Variants in COL4A2 observed in about 807,000 individuals in gnomAD.
The protein encoded by COL4A2 is collagen type IV alpha 2 chain, also known as collagen alpha-2(IV) chain.
A neutral mutation model predicts 200.2 loss-of-function variants in COL4A2; 99 were observed. That is an observed-to-expected ratio of 0.49 (90% confidence interval 0.42 to 0.58). The LOEUF is 0.58. Among genes scored for constraint, COL4A2 ranks in the 20% least tolerant of loss-of-function variants. The pLI is 0.00. For synonymous variants in COL4A2, 897 were observed against 900.6 expected (o/e 1.00, Z 0.07); for missense variants, 1,950 against 2,314.1 (o/e 0.84, Z 3.23).
chr13:110,395,018 C>G (rs1879136166), intron 4 of COL4A2, among the ~76,000 whole-genome samples: 1 of 152,178 alleles, frequency 6.6e-6, no homozygotes, highest in African/African-American at 2.4e-5. Flanking sequence ...CTCCGGGGAC[C>G]CAGAGCTGGA....
intron 11 of COL4A2, among the ~76,000 whole-genome samples, chr13:110,433,354 T>G (rs1389952399): frequency 2.0e-5 from 3 of 152,186 alleles, no homozygotes; most frequent in Non-Finnish European, 4.4e-5. Flanking sequence ...GCCTCAGATC[T>G]CCCCTTGCTG....
At chr13:110,395,103 C>T (rs1424498239) in intron 4 of COL4A2, among the ~76,000 whole-genome samples, 1 of 152,192 alleles carries the variant, frequency 6.6e-6, no homozygotes, top group East Asian at 1.9e-4. Context: ...CAGAGGTCAA[C>T]AGTGGAGACC....
At chr13:110,505,076 C>T (rs377001284) in intron 45 of COL4A2, among the ~76,000 whole-genome samples, 53 of 151,820 alleles carry the variant, frequency 3.5e-4, no homozygotes, top group Admixed American at 7.2e-4. Context: ...AGGGGCCGGG[C>T]GCGGTGGCTC....
chr13:110,366,562 C>G (rs7334022), intron 4 of COL4A2, among the ~76,000 whole-genome samples: 60,978 of 152,026 alleles, frequency 0.4, 12,350 homozygotes, highest in Middle Eastern at 0.56. Context: ...GAAAATGGCA[C>G]AAATGATCAA....
intron 22 of COL4A2, among the ~76,000 whole-genome samples, chr13:110,460,140 A>G (rs959186634): frequency 3.0e-4 from 46 of 152,292 alleles, no homozygotes; most frequent in African/African-American, 1.1e-3. Flanking sequence ...TAGAGGAAAA[A>G]CAGTTGGTCA....
Position 110,317,407 on chromosome 13 carries a change from C to T in COL4A2, c.99+9284C>T, listed in dbSNP as rs1010848199. Among the ~76,000 whole-genome samples the T allele has an allele frequency of 1.3e-5, 2 of 152,194 alleles. 1 individual carries two copies. On this transcript the variant is annotated intron_variant, in intron 3 of 47. Transcript: ENST00000360467. Reference sequence around the variant, plus strand: ...GCTCATGCGTGTACACACACACACACTTAGCCGGAGGACGCTCCTGGTTTC... The same window carrying T: ...GCTCATGCGTGTACACACACACACATTTAGCCGGAGGACGCTCCTGGTTTC...
intron 4 of COL4A2, among the ~76,000 whole-genome samples, chr13:110,407,797 G>A (rs1268744758): frequency 2.0e-5 from 3 of 152,194 alleles, no homozygotes; most frequent in Admixed American, 6.5e-5. Flanking sequence ...TGAGGACGGG[G>A]GACAGCAGTG....
intron 18 of COL4A2, 147 bp downstream of exon 18, chr13:110,447,011 C>T (rs1479285945): frequency 3.9e-6 from 2 of 513,252 alleles, no homozygotes; most frequent in Non-Finnish European, 6.1e-6. Context: ...AAAAAATAAA[C>T]CACGAAATTT....
Position 110,386,008 on chromosome 13 carries a change from CGTGTGGATGGGCCGTGGTTACAGT to C in COL4A2, c.180+28465_180+28488del, listed in dbSNP as rs1406639712. ...GCGTGTGGATGGGCCGTGGTCACAG[CGTGTGGATGGGCCGTGGTTACAGT>C]GTGTGGATAGACCGTGGTTACGTTT... is the stretch of plus-strand genomic sequence containing the variant. On this transcript the variant is annotated intron_variant, in intron 4 of 47. Transcript: ENST00000360467. Among the ~76,000 whole-genome samples, 3 of 26,702 alleles carry C rather than the reference CGTGTGGATGGGCCGTGGTTACAGT, an allele frequency of 1.1e-4. 1 individual carries two copies. The highest frequency in any genetic ancestry group is 1.9e-4 in the Non-Finnish European group (2 of 10,650). The allele number at this position is 26,702 out of a possible 152,430, so 17.5% of individuals were successfully genotyped here.
chr13:110,469,655 T>C (rs1203661386), intron 28 of COL4A2, among the ~76,000 whole-genome samples: 1 of 152,264 alleles, frequency 6.6e-6, no homozygotes, highest in East Asian at 1.9e-4. Flanking sequence ...CACAAAGTTA[T>C]CCTCTCCTGA....
chr13:110,494,659 G>A (rs531152670), intron 39 of COL4A2, among the ~76,000 whole-genome samples: 108 of 151,322 alleles, frequency 7.1e-4, no homozygotes, highest in Middle Eastern at 6.9e-3. Context: ...AGCCGAGATC[G>A]CGCCACTGCA....
chr13:110,495,914 G>A (rs1883438860), intron 40 of COL4A2, among the ~76,000 whole-genome samples: 1 of 152,198 alleles, frequency 6.6e-6, no homozygotes, highest in South Asian at 2.1e-4. Context: ...GCCAAGGTGG[G>A]CTCAAGTCTA....
chr13:110,459,002 C>T, intron 22 of COL4A2, 68 bp downstream of exon 22: 2 of 1,390,726 alleles, frequency 1.4e-6, no homozygotes, highest in Non-Finnish European at 1.9e-6. Context: ...CCGTTCTTGC[C>T]TTTTATCTCC....
chr13:110,352,258 A>C (rs915946111), intron 3 of COL4A2, among the ~76,000 whole-genome samples: 2 of 152,210 alleles, frequency 1.3e-5, no homozygotes, highest in African/African-American at 4.8e-5. Context: ...GGAATAGTGG[A>C]GCATAGCAGA....
intron 32 of COL4A2, among the ~76,000 whole-genome samples, chr13:110,483,610 A>T (rs1243219933): frequency 6.6e-6 from 1 of 152,264 alleles, no homozygotes; most frequent in African/African-American, 2.4e-5. Context: ...CCTTGAGAAC[A>T]CTATGCCACG....
chr13:110,450,316 G>T lies in COL4A2; in HGVS notation c.1201G>T (p.Gly401Cys), dbSNP rs1433079130. 6.2e-7 allele frequency: 1 copy of T among 1,613,842 alleles called. No individual in the cohort carries two copies. The highest frequency in any genetic ancestry group is 8.5e-7 in the Non-Finnish European group (1 of 1,179,828). The change falls in exon 20 of 48, where the codon GGC becomes TGC. Residue 401 changes from glycine (G) to cysteine (C), a missense_variant. Physicochemically the swap from Gly to Cys is radical, Grantham distance 159. This residue lies in a region of COL4A2 where 565 missense variants were observed against 593.5 expected (regional missense o/e 0.95). Transcript: ENST00000360467. ...LSIGDGDQRR[G>C]LPGEMGPKGF... Reference sequence around the variant, plus strand: ...CTGTTTGGTTTCAGATCAGAGGAGAGGCCTGCCGGGTGAGATGGGACCCAA... The same window carrying T: ...CTGTTTGGTTTCAGATCAGAGGAGATGCCTGCCGGGTGAGATGGGACCCAA...
rs1280406576 is a variant in COL4A2, at chr13:110,512,170, GGTGTGCATGAAGAACCT to G, written c.5122_5138del (p.Cys1708SerfsTer31). The G allele has an allele frequency of 1.2e-6, 2 of 1,613,010 alleles. No individual in the cohort carries two copies. The highest frequency in any genetic ancestry group is 1.7e-6 in the Non-Finnish European group (2 of 1,179,800). On this transcript the variant is annotated frameshift_variant, in exon 48 of 48. Coordinates refer to ENST00000360467, the MANE Select transcript of COL4A2 (RefSeq NM_001846.4). LOFTEE classifies it high-confidence loss of function. ...TCCGCACACACATCAGCCGCTGCCA[GGTGTGCATGAAGAACCT>G]GTGAGCCGGCGCGTGCCAGGAAGGG...
intron 40 of COL4A2, among the ~76,000 whole-genome samples, chr13:110,496,892 G>A (rs528244629): frequency 6.7e-6 from 1 of 149,726 alleles, no homozygotes; most frequent in East Asian, 2.0e-4. Flanking sequence ...GCCTCAGTCA[G>A]GGGTGAGGAT....
At chr13:110,479,539 G>T (rs1882822778) in intron 30 of COL4A2, among the ~76,000 whole-genome samples, 1 of 43,082 alleles carries the variant, frequency 2.3e-5, no homozygotes, top group Non-Finnish European at 5.1e-5. Flanking sequence ...AGGGGGCTGG[G>T]GGTTTAGATA....
Sources: allele counts gnomAD v4.1 joint callset (sites outside exome capture counted in the v4.1 genomes callset), GRCh38; gene constraint gnomAD v4.1.1; regional missense constraint gnomAD v4.1.1; transcripts MANE v1.5; gene names NCBI Gene and HGNC (gene_info 2026-07-23, HGNC 2026-07-21).